The following EPHA4 variants were observed in gnomAD, a reference collection of about 807,000 sequenced individuals.
EPHA4 encodes ephrin type-A receptor 4.
A neutral mutation model predicts 108.3 loss-of-function variants in EPHA4; 19 were observed. The observed-to-expected ratio is 0.18, with a 90% CI of 0.12 to 0.26. The LOEUF (loss-of-function observed/expected upper bound fraction) is 0.26, where lower values mean the gene tolerates loss of function less well. EPHA4 is among the 10% of genes least tolerant of loss of function. The pLI is 1.00. For synonymous variants in EPHA4, 449 were observed against 455.5 expected (o/e 0.99, Z 0.18); for missense variants, 917 against 1,254.0 (o/e 0.73, Z 4.06).
At chr2:221,491,622 C>A (rs1692145431) in intron 4 of EPHA4, among the ~76,000 whole-genome samples, 1 of 152,158 alleles carries the variant, frequency 6.6e-6, no homozygotes, top group African/African-American at 2.4e-5. Flanking sequence ...AATTTCACCT[C>A]ACTTCCCTGC....
intron 6 of EPHA4, 97 bp from the exon 7 acceptor site, chr2:221,456,869 G>T: frequency 7.6e-7 from 1 of 1,320,444 alleles, no homozygotes; most frequent in Non-Finnish European, 1.1e-6. Flanking sequence ...AGTCAACTCA[G>T]AAACTGAAAG....
intron 3 of EPHA4, among the ~76,000 whole-genome samples, chr2:221,504,314 C>A (rs1024673945): frequency 6.6e-6 from 1 of 151,244 alleles, no homozygotes; most frequent in Non-Finnish European, 1.5e-5. Context: ...CTTTAATTAT[C>A]TCTTTCTGCT....
upstream of EPHA4, chr2:221,573,696 C>T (rs925865793): frequency 8.5e-5 from 13 of 152,228 alleles, no homozygotes; most frequent in African/African-American, 3.1e-4. The surrounding 1 kb of genome is among the most constrained non-coding windows in gnomAD (Gnocchi z 4.5). Context: ...AACCGCGCCA[C>T]CTGCCGGCCA....
Position 221,425,875 on chromosome 2 carries a change from C to T in EPHA4, c.*153G>A. On this transcript the variant is annotated 3_prime_UTR_variant, in exon 17 of 18. Coordinates refer to ENST00000281821, the MANE Select transcript of EPHA4 (RefSeq NM_004438.5). ...CTGTAAGCCCCACAGTTTCAGCAAT[C>T]TGTGCACCAAGCAACGCTGCAGATA... The T allele has an allele frequency of 1.5e-6, 1 of 670,844 alleles. No homozygotes were observed. Among genetic ancestry groups the T allele is most frequent in the South Asian group, 1.9e-5 (1 of 52,970 alleles). The allele number at this position is 670,844 out of a possible 1,614,324, so 41.6% of individuals were successfully genotyped here. A position where few individuals can be genotyped will look rare whatever the true frequency, so the allele number is the denominator to read the frequency against.
chr2:221,457,198 T>G (rs1268387710), intron 6 of EPHA4, among the ~76,000 whole-genome samples: 1 of 152,166 alleles, frequency 6.6e-6, no homozygotes, highest in Admixed American at 6.5e-5. Context: ...TTTTCTACTT[T>G]TAATAAGGAA....
chr2:221,446,547 G>A (rs2106109189), intron 8 of EPHA4, among the ~76,000 whole-genome samples: 1 of 151,930 alleles, frequency 6.6e-6, no homozygotes, highest in South Asian at 2.1e-4. Flanking sequence ...GTATATATAT[G>A]TACATGTGTG....
intron 4 of EPHA4, among the ~76,000 whole-genome samples, chr2:221,489,860 T>C (rs1692087211): frequency 2.0e-5 from 3 of 152,152 alleles, no homozygotes; most frequent in African/African-American, 7.2e-5. Context: ...CATAGCACTA[T>C]GGCTGAGCAC....
chr2:221,551,221 T>C (rs1368766078), intron 3 of EPHA4, among the ~76,000 whole-genome samples: 1 of 152,110 alleles, frequency 6.6e-6, no homozygotes, highest in East Asian at 1.9e-4. Flanking sequence ...AACTTATTAG[T>C]ATTCACAAGA....
At chr2:221,429,351 C>T (rs1024227458) in intron 15 of EPHA4, among the ~76,000 whole-genome samples, 4 of 152,170 alleles carry the variant, frequency 2.6e-5, no homozygotes, top group Non-Finnish European at 5.9e-5. Flanking sequence ...ATAACTACCT[C>T]TTTCAGGTGG....
At chr2:221,465,373 C>T (rs372410906) in intron 5 of EPHA4, among the ~76,000 whole-genome samples, 4 of 152,086 alleles carry the variant, frequency 2.6e-5, no homozygotes, top group South Asian at 2.1e-4. Context: ...AGATGGGCAA[C>T]GGATTATTTT....
intron 3 of EPHA4, among the ~76,000 whole-genome samples, chr2:221,527,759 A>C (rs1167059239): frequency 6.6e-6 from 1 of 152,194 alleles, no homozygotes; most frequent in Non-Finnish European, 1.5e-5. Context: ...GATGAGGTTC[A>C]TTGTATTATT....
chr2:221,448,436 A>C (rs1453893846), intron 8 of EPHA4, among the ~76,000 whole-genome samples: 1 of 152,198 alleles, frequency 6.6e-6, no homozygotes, highest in East Asian at 1.9e-4. Context: ...AAGTGAATTC[A>C]ATTGCTCTTA....
chr2:221,530,048 C>G lies in EPHA4; in HGVS notation c.824-28876G>C, dbSNP rs146089287. Among the ~76,000 whole-genome samples, 359 of 152,252 alleles carry G rather than the reference C, an allele frequency of 2.4e-3. 1 individual carries two copies. The highest frequency in any genetic ancestry group is 7.7e-3 in the South Asian group (37 of 4,818). ...CCAAATAATAAACACCCAACGCAAA[C>G]AGTCCAGTAGGGGCAGGTAATAAAT... is the stretch of plus-strand genomic sequence containing the variant. On this transcript the variant is annotated intron_variant, in intron 3 of 17. Transcript: ENST00000281821.
intron 17 of EPHA4, among the ~76,000 whole-genome samples, chr2:221,422,840 T>C (rs1194004943): frequency 6.6e-6 from 1 of 152,232 alleles, no homozygotes; most frequent in Non-Finnish European, 1.5e-5. Context: ...AATTTTACTT[T>C]TGTATCACTG....
At chr2:221,471,716 C>T (rs1272257944) in intron 5 of EPHA4, among the ~76,000 whole-genome samples, 7 of 152,026 alleles carry the variant, frequency 4.6e-5, no homozygotes, top group Non-Finnish European at 1.0e-4. Flanking sequence ...CCCTTGGAGC[C>T]GCACCTGAAT....
intron 3 of EPHA4, among the ~76,000 whole-genome samples, chr2:221,530,678 T>C (rs975230790): frequency 6.6e-6 from 1 of 152,142 alleles, no homozygotes; most frequent in African/African-American, 2.4e-5. Flanking sequence ...GGGCTTTGGG[T>C]ATATGATTTG....
intron 3 of EPHA4, among the ~76,000 whole-genome samples, chr2:221,522,753 TTATTATTATTA>T (rs1355020823): frequency 1.2e-3 from 35 of 29,388 alleles, no homozygotes; most frequent in African/African-American, 9.9e-3. Flanking sequence ...ATTATTATTA[TTATTATTATTA>T]TTATTATTAT....
chr2:221,525,578 C>T (rs888094593), intron 3 of EPHA4, among the ~76,000 whole-genome samples: 1 of 152,108 alleles, frequency 6.6e-6, no homozygotes, highest in African/African-American at 2.4e-5. Flanking sequence ...GATGTTGCTG[C>T]CACTTGAGAG....
rs1694541680 is a variant in EPHA4 at position 221,563,834 on chromosome 2, TTTCTC to T, written c.715_719del (p.Glu239ArgfsTer12). 6.2e-7 allele frequency: 1 copy of T among 1,614,100 alleles called. No individual in the cohort carries two copies. The highest frequency in any genetic ancestry group is 1.7e-5 in the Admixed American group (1 of 60,002). On this transcript the variant is annotated frameshift_variant, in exon 3 of 18. Coordinates refer to ENST00000281821, the MANE Select transcript of EPHA4 (RefSeq NM_004438.5). LOFTEE classifies it high-confidence loss of function. ...CCCCACAGTACATTTTTGGCACATC[TTTCTC>T]TTCTGAGTTGTTGACACAGGAGCCT...
Sources: gnomAD v4.1 joint callset for allele counts (sites outside exome capture counted in the v4.1 genomes callset) on GRCh38, gnomAD v4.1.1 for gene constraint, Gnocchi (gnomAD v3.1) non-coding constraint, MANE v1.5 for transcripts, NCBI Gene and HGNC (gene_info 2026-07-23, HGNC 2026-07-21) for gene names.